Variants in PDE4B observed in about 807,000 individuals in gnomAD.
PDE4B encodes the protein 3',5'-cyclic-AMP phosphodiesterase 4B.
In PDE4B, 20 loss-of-function variants were observed where a neutral mutation model predicts 82.2. The ratio of observed to expected loss-of-function variants is 0.24; its 90% CI spans 0.17 to 0.35. The LOEUF is 0.35. Ranked by LOEUF, PDE4B falls within the 10% of genes least tolerant of loss-of-function variation. PDE4B has a pLI of 1.00. For missense variants in PDE4B, 655 were observed against 907.2 expected (o/e 0.72, Z 3.57); for synonymous variants, 320 against 318.9 (o/e 1.00, Z -0.04).
At chr1:66,151,243 T>A (rs971547187) in intron 3 of PDE4B, among the ~76,000 whole-genome samples, 5 of 152,150 alleles carry the variant, frequency 3.3e-5, no homozygotes, top group African/African-American at 7.2e-5. Flanking sequence ...AGAACTTTTT[T>A]AAGGAGCAAT....
At chr1:65,963,089 A>T (rs377120655) in intron 3 of PDE4B, among the ~76,000 whole-genome samples, 1 of 152,150 alleles carries the variant, frequency 6.6e-6, no homozygotes. Flanking sequence ...AAAATTTAAT[A>T]ATCACCTTTC....
chr1:65,830,994 T>C (rs1487963479), intron 1 of PDE4B, among the ~76,000 whole-genome samples: 1 of 152,034 alleles, frequency 6.6e-6, no homozygotes, highest in Non-Finnish European at 1.5e-5. Context: ...TAAAGGAAAA[T>C]GCAACATATC....
chr1:66,094,156 A>G (rs1001640265), intron 3 of PDE4B, among the ~76,000 whole-genome samples: 3 of 152,078 alleles, frequency 2.0e-5, no homozygotes, highest in East Asian at 1.9e-4. Context: ...ACTAGAGACC[A>G]GAAAGAAGCT....
intron 3 of PDE4B, among the ~76,000 whole-genome samples, chr1:66,093,699 A>T (rs1645065601): frequency 6.6e-6 from 1 of 152,066 alleles, no homozygotes; most frequent in Non-Finnish European, 1.5e-5. Context: ...AGAACCACTT[A>T]TTTATGTATT....
chr1:66,087,953 G>A lies in PDE4B; in HGVS notation c.282-159507G>A, dbSNP rs749152548. On this transcript the variant is annotated intron_variant, in intron 3 of 16. Transcript: ENST00000341517. The stretch of plus-strand genomic sequence containing the variant: ...TTAGTGGGTGCAGCACACCAGCATG[G>A]CACATGTATACATGTGTAACTAACC... 6.1e-4 allele frequency among the ~76,000 whole-genome samples: 93 copies of A among 151,554 alleles called. 1 individual carries two copies. The highest frequency in any genetic ancestry group is 4.1e-3 in the East Asian group (21 of 5,142).
At chr1:66,057,647 G>A (rs1655372894) in intron 3 of PDE4B, among the ~76,000 whole-genome samples, 1 of 152,194 alleles carries the variant, frequency 6.6e-6, no homozygotes, top group African/African-American at 2.4e-5. Flanking sequence ...TACATGGATG[G>A]CAGCAGGCAA....
chr1:66,155,774 C>G (rs1236717562), intron 3 of PDE4B, among the ~76,000 whole-genome samples: 1 of 152,076 alleles, frequency 6.6e-6, no homozygotes, highest in East Asian at 1.9e-4. Flanking sequence ...CTAACTTGCC[C>G]TCATCTAATC....
At chr1:65,962,883 C>T (rs1649615515) in intron 3 of PDE4B, among the ~76,000 whole-genome samples, 1 of 152,130 alleles carries the variant, frequency 6.6e-6, no homozygotes, top group Non-Finnish European at 1.5e-5. Context: ...TTAATAATTA[C>T]AGACGAAAAC....
chr1:66,105,121 A>G (rs1645317951), intron 3 of PDE4B, among the ~76,000 whole-genome samples: 1 of 151,752 alleles, frequency 6.6e-6, no homozygotes, highest in Non-Finnish European at 1.5e-5. Flanking sequence ...TTTGTATAAG[A>G]TATAAGGAAG....
intron 9 of PDE4B, among the ~76,000 whole-genome samples, chr1:66,358,512 TA>T (rs1662454421): frequency 6.6e-6 from 1 of 151,870 alleles, no homozygotes. Context: ...CTGTCTCTAC[TA>T]AAAATACAAA....
At chr1:65,902,777 A>G (rs1017668859) in intron 1 of PDE4B, among the ~76,000 whole-genome samples, 126 of 152,360 alleles carry the variant, frequency 8.3e-4, no homozygotes, top group African/African-American at 2.6e-3. Flanking sequence ...ATATGAATTC[A>G]TAAATAAGAT....
intron 3 of PDE4B, among the ~76,000 whole-genome samples, chr1:66,044,567 A>G (rs1654582687): frequency 6.6e-6 from 1 of 151,744 alleles, no homozygotes; most frequent in South Asian, 2.1e-4. Context: ...CATTGGCTAT[A>G]TCTTTAATTA....
intron 3 of PDE4B, among the ~76,000 whole-genome samples, chr1:66,057,019 AT>A (rs1655338168): frequency 6.6e-6 from 1 of 152,204 alleles, no homozygotes; most frequent in Non-Finnish European, 1.5e-5. Flanking sequence ...ATTGAAGGAA[AT>A]AAATATATTT....
intron 3 of PDE4B, among the ~76,000 whole-genome samples, chr1:66,030,036 G>GT (rs1427643519): frequency 6.6e-5 from 2 of 30,490 alleles, no homozygotes; most frequent in African/African-American, 1.1e-4. Flanking sequence ...ATCTGTTGAG[G>GT]GTTTTTTTTT....
rs960294226 is a variant in PDE4B at position 65,883,240 on chromosome 1, T to A, written c.-70-30005T>A. Among the ~76,000 whole-genome samples the A allele has an allele frequency of 3.3e-4, 50 of 152,144 alleles. 1 individual carries two copies. The highest frequency in any genetic ancestry group is 4.4e-5 in the Non-Finnish European group (3 of 68,022). ...GGATGGCATTGAATCTATAAATTAC[T>A]TTGGGCAGTATGGCCATTTTCACAA... is the stretch of plus-strand genomic sequence containing the variant. On this transcript the variant is annotated intron_variant, in intron 1 of 16. Coordinates refer to ENST00000341517, the MANE Select transcript of PDE4B (RefSeq NM_002600.4).
In PDE4B at chr1:66,066,755, G is replaced by T. The variant is rs1655870198; in HGVS notation, c.281+147920G>T. On this transcript the variant is annotated intron_variant, in intron 3 of 16. Coordinates refer to ENST00000341517, the MANE Select transcript of PDE4B (RefSeq NM_002600.4). ...ATCTCCTGAAGGCATAGCACATGAA[G>T]CCTATTATTTAAGAATGTTGGCTTT... Among the ~76,000 whole-genome samples the T allele has an allele frequency of 2.0e-5, 3 of 151,892 alleles. No individual in the cohort carries two copies. In the South Asian group the frequency reaches 6.2e-4, roughly 31 times the overall value.
chr1:65,937,656 A>G (rs1028205378), intron 3 of PDE4B, among the ~76,000 whole-genome samples: 6 of 152,188 alleles, frequency 3.9e-5, no homozygotes, highest in Non-Finnish European at 8.8e-5. Flanking sequence ...ACTGCAGTCA[A>G]CAACTCAGCA....
chr1:66,130,231 G>C (rs900283534), intron 3 of PDE4B, among the ~76,000 whole-genome samples: 10 of 152,322 alleles, frequency 6.6e-5, no homozygotes, highest in African/African-American at 2.4e-4. Flanking sequence ...TTTAGCTTGG[G>C]CAATTTGTGA....
intron 3 of PDE4B, among the ~76,000 whole-genome samples, chr1:66,236,546 A>G (rs551223958): frequency 6.6e-6 from 1 of 152,206 alleles, no homozygotes; most frequent in African/African-American, 2.4e-5. Flanking sequence ...GAGATGATGA[A>G]TTCCTTCAAC....
Sources: gnomAD v4.1 joint callset for allele counts (sites outside exome capture counted in the v4.1 genomes callset) on GRCh38, gnomAD v4.1.1 for gene constraint, MANE v1.5 for transcripts, NCBI Gene and HGNC (gene_info 2026-07-23, HGNC 2026-07-21) for gene names.